NRXN3: variants seen among roughly 807,000 people sequenced by gnomAD.
The protein encoded by NRXN3 is neurexin III.
Under a neutral mutation model 137.6 loss-of-function variants are expected in NRXN3, and 32 were observed. The observed-to-expected ratio is 0.23, with a 90% CI of 0.18 to 0.31. The LOEUF (loss-of-function observed/expected upper bound fraction) is 0.31, where lower values mean the gene tolerates loss of function less well. Among genes scored for constraint, NRXN3 ranks in the 10% least tolerant of loss-of-function variants. The pLI is 1.00. For synonymous variants in NRXN3, 798 were observed against 784.5 expected, an observed-to-expected ratio of 1.02 and a Z score of -0.29; for missense variants, 1,574 against 2,062.5, an observed-to-expected ratio of 0.76 and a Z score of 4.59.
chr14:78,306,958 T>A (rs983548879), intron 4 of NRXN3, among the ~76,000 whole-genome samples: 2 of 152,084 alleles, frequency 1.3e-5, no homozygotes, highest in Non-Finnish European at 2.9e-5. Flanking sequence ...TTAAATGCAT[T>A]GTTTTTAATG....
chr14:78,587,326 G>A (rs1485873940), intron 4 of NRXN3, among the ~76,000 whole-genome samples: 1 of 152,170 alleles, frequency 6.6e-6, no homozygotes, highest in African/African-American at 2.4e-5. Context: ...TCTGTGGACA[G>A]GTAGTATCAG....
intron 4 of NRXN3, among the ~76,000 whole-genome samples, chr14:78,411,709 T>C (rs1354320446): frequency 3.3e-5 from 5 of 152,286 alleles, no homozygotes; most frequent in Admixed American, 1.3e-4. Context: ...TACGTATACA[T>C]GTAAAATCAA....
At chr14:79,412,338 G>T (rs1201414371) in intron 15 of NRXN3, among the ~76,000 whole-genome samples, 1 of 152,092 alleles carries the variant, frequency 6.6e-6, no homozygotes, top group Non-Finnish European at 1.5e-5. Context: ...CTTTCACTAG[G>T]CTACAAAGAA....
At chr14:78,212,210 G>A (rs1044382048) in intron 1 of NRXN3, among the ~76,000 whole-genome samples, 3 of 152,212 alleles carry the variant, frequency 2.0e-5, no homozygotes, top group African/African-American at 7.2e-5. Flanking sequence ...TTCACAGTGT[G>A]TCTGGTTATC....
chr14:79,010,744 C>T (rs147565960), intron 15 of NRXN3, among the ~76,000 whole-genome samples: 147 of 152,188 alleles, frequency 9.7e-4, no homozygotes, highest in Middle Eastern at 6.8e-3. Context: ...TATCATTACC[C>T]AAACAAGTAG....
chr14:79,771,170 A>T (rs914322289), intron 19 of NRXN3, among the ~76,000 whole-genome samples: 2 of 152,198 alleles, frequency 1.3e-5, no homozygotes, highest in African/African-American at 4.8e-5. Flanking sequence ...GACCAGATGG[A>T]TTCACAGCCG....
intron 16 of NRXN3, among the ~76,000 whole-genome samples, chr14:79,601,040 C>CTTT (rs36044631): frequency 0.01 from 951 of 93,390 alleles, 13 homozygotes; most frequent in Non-Finnish European, 0.013. Context: ...TCTTTGTTGC[C>CTTT]TTTTTTTTTT....
intron 19 of NRXN3, among the ~76,000 whole-genome samples, chr14:79,798,550 T>A (rs1005935736): frequency 6.6e-6 from 1 of 152,218 alleles, no homozygotes; most frequent in African/African-American, 2.4e-5. Context: ...AAGGAGATCA[T>A]CATTCTTGAG....
At chr14:78,863,190 A>C (rs1242700968) in intron 10 of NRXN3, among the ~76,000 whole-genome samples, 7 of 152,176 alleles carry the variant, frequency 4.6e-5, no homozygotes, top group Admixed American at 4.6e-4. Flanking sequence ...TCTGACAAGA[A>C]AATCAACTGA....
At position 79,861,232 on chromosome 14, in the gene NRXN3, T is replaced by G; in HGVS notation, c.4094-110T>G. ...TGTCGGACCAAGGCAGCGATGGTTG[T>G]GATGATGATGGCTTGGTGATATCTG... On this transcript the variant is annotated intron_variant, in intron 20 of 20. Coordinates refer to ENST00000335750, the MANE Select transcript of NRXN3 (RefSeq NM_001330195.2). This position sits in a 1 kb window ranked among gnomAD's most constrained non-coding sequence, Gnocchi z 5.4. 6.5e-7 allele frequency: 1 copy of G among 1,535,340 alleles called. No individual in the cohort carries two copies. Among genetic ancestry groups the G allele is most frequent in the Non-Finnish European group, 8.7e-7 (1 of 1,146,466 alleles).
chr14:79,348,378 C>CTCTCTTTTTTTTTTTTTTTT (rs535595782), intron 15 of NRXN3, among the ~76,000 whole-genome samples: 3 of 135,974 alleles, frequency 2.2e-5, no homozygotes, highest in African/African-American at 8.7e-5. Context: ...AATCTTCTCT[C>CTCTCTTTTTTTTTTTTTTTT]TTTTTTTTTT....
chr14:79,053,321 G>T (rs1212515857), intron 15 of NRXN3, among the ~76,000 whole-genome samples: 2 of 152,166 alleles, frequency 1.3e-5, no homozygotes, highest in Non-Finnish European at 2.9e-5. Context: ...TCTGCTTTTA[G>T]AGATAAGAAA....
At chr14:78,794,279 G>A (rs536790919) in intron 8 of NRXN3, among the ~76,000 whole-genome samples, 2 of 152,338 alleles carry the variant, frequency 1.3e-5, no homozygotes, top group East Asian at 3.9e-4. Context: ...CTACTCAGGA[G>A]GCTGAGGCTC....
chr14:78,606,790 C>CT (rs2097256776), intron 4 of NRXN3, among the ~76,000 whole-genome samples: 1 of 152,140 alleles, frequency 6.6e-6, no homozygotes, highest in Non-Finnish European at 1.5e-5. Context: ...ACCATATACT[C>CT]TCTGTTGCAA....
intron 15 of NRXN3, among the ~76,000 whole-genome samples, chr14:79,092,025 T>G (rs1215641029): frequency 6.6e-6 from 1 of 152,170 alleles, no homozygotes; most frequent in Admixed American, 6.5e-5. Flanking sequence ...GGATGATAAA[T>G]TAGCTGCATA....
At chr14:79,425,920 T>C (rs1441506097) in intron 15 of NRXN3, among the ~76,000 whole-genome samples, 1 of 152,048 alleles carries the variant, frequency 6.6e-6, no homozygotes, top group Non-Finnish European at 1.5e-5. Context: ...AATTTGTATG[T>C]TCTGTAGAGG....
intron 15 of NRXN3, among the ~76,000 whole-genome samples, chr14:79,018,302 A>T (rs1247128574): frequency 7.4e-6 from 1 of 135,348 alleles, no homozygotes. Context: ...AAAAAGAGAG[A>T]GAGCAAGAAG....
At chr14:78,363,482 A>G (rs1407273950) in intron 4 of NRXN3, among the ~76,000 whole-genome samples, 1 of 152,238 alleles carries the variant, frequency 6.6e-6, no homozygotes, top group Non-Finnish European at 1.5e-5. Flanking sequence ...AAGATGACAC[A>G]AAGTAGCTAT....
intron 4 of NRXN3, among the ~76,000 whole-genome samples, chr14:78,457,455 T>C (rs928149182): frequency 2.9e-4 from 44 of 152,228 alleles, no homozygotes; most frequent in African/African-American, 1.0e-3. Context: ...GACAGTGAGA[T>C]AGTAAATAGC....
Sources: gnomAD v4.1 joint callset for allele counts (sites outside exome capture counted in the v4.1 genomes callset) on GRCh38, gnomAD v4.1.1 for gene constraint, Gnocchi (gnomAD v3.1) non-coding constraint, MANE v1.5 for transcripts, NCBI Gene and HGNC (gene_info 2026-07-23, HGNC 2026-07-21) for gene names.